MAP3K15: variants seen among roughly 807,000 people sequenced by gnomAD.
MAP3K15 encodes MAPK/ERK kinase kinase 15.
MAP3K15 carries 124 observed loss-of-function variants against 99.5 expected under a neutral mutation model. The ratio of observed to expected loss-of-function variants is 1.25; its 90% confidence interval spans 1.08 to 1.45. MAP3K15 has a LOEUF of 1.45. MAP3K15 is among the 40% of genes most tolerant of loss of function. MAP3K15 has a pLI of 0.00. For synonymous variants in MAP3K15, 494 were observed against 439.6 expected (o/e 1.12, Z -1.55); for missense variants, 1,242 against 1,079.7 (o/e 1.15, Z -2.11).
intron 1 of MAP3K15, among the ~76,000 whole-genome samples, chrX:19,489,489 T>C (rs1170880166): frequency 9.0e-6 from 1 of 111,034 alleles, no homozygotes; most frequent in African/African-American, 3.3e-5. Flanking sequence ...AAGGTTCATG[T>C]GTTGAAACCT....
chrX:19,390,963 G>C (rs2063523816), intron 18 of MAP3K15, among the ~76,000 whole-genome samples: 1 of 111,476 alleles, frequency 9.0e-6, no homozygotes, highest in Non-Finnish European at 1.9e-5. Context: ...TTATTAGTCA[G>C]GTTTAAGCAG....
chrX:19,493,675 C>T (rs926116407), intron 1 of MAP3K15, among the ~76,000 whole-genome samples: 1 of 111,829 alleles, frequency 8.9e-6, no homozygotes, highest in South Asian at 3.7e-4. Context: ...TTGCCATTTA[C>T]AAAACACTTC....
At chrX:19,490,578 T>C (rs956656681) in intron 1 of MAP3K15, among the ~76,000 whole-genome samples, 1 of 109,461 alleles carries the variant, frequency 9.1e-6, no homozygotes, top group Non-Finnish European at 1.9e-5. Context: ...CGAAACCCCA[T>C]CTCTATAAAA....
intron 9 of MAP3K15, among the ~76,000 whole-genome samples, chrX:19,416,704 C>T (rs911950929): frequency 1.6e-4 from 18 of 112,222 alleles, no homozygotes; most frequent in African/African-American, 5.5e-4. Context: ...GAAGCCGTCA[C>T]TGCAGTTGTC....
intron 6 of MAP3K15, among the ~76,000 whole-genome samples, chrX:19,437,277 T>A: frequency 8.9e-6 from 1 of 111,877 alleles, no homozygotes; most frequent in Non-Finnish European, 1.9e-5. Context: ...AGTGATCCTC[T>A]GCGCTGTAAG....
At position 19,360,079 on chromosome X, in the gene MAP3K15, A is replaced by T. The variant is rs369332453; in HGVS notation, c.*670T>A. On this transcript the variant is annotated 3_prime_UTR_variant, in exon 29 of 29. Transcript: ENST00000338883. ...TTCTCTACAAGATACAATATTTATT[A>T]TCAGGCAAGAGGACAGTTCCATTTT... The T allele has an allele frequency of 9.2e-5, 17 of 183,799 alleles. No individual in the cohort carries two copies. The East Asian group carries it at 2.3e-3, about 24-fold the overall frequency. 15.1% of individuals were successfully genotyped at this position (183,799 alleles called of 1,213,427 possible).
intron 6 of MAP3K15, 102 bp from the exon 7 acceptor site, chrX:19,431,710 C>G (rs2063884186): frequency 1.5e-6 from 1 of 675,134 alleles, no homozygotes; most frequent in Admixed American, 3.5e-5. Flanking sequence ...CTTTGGGAGG[C>G]CGAAGCGGGT....
At chrX:19,432,234 T>G (rs962321026) in intron 6 of MAP3K15, among the ~76,000 whole-genome samples, 12 of 110,771 alleles carry the variant, frequency 1.1e-4, no homozygotes, top group African/African-American at 3.9e-4. Context: ...AAATGCAACA[T>G]ACATAGTCTG....
intron 1 of MAP3K15, among the ~76,000 whole-genome samples, chrX:19,503,851 A>C (rs1275321353): frequency 9.1e-6 from 1 of 110,022 alleles, no homozygotes; most frequent in Non-Finnish European, 1.9e-5. Flanking sequence ...ATGGTGGGTC[A>C]CACCTGTAAT....
rs779359029 is a variant in MAP3K15, at chrX:19,464,290, G to A, written c.642C>T (p.Asp214=). ...RASEYMQPNW[D]NILGPLCMPL... ...GCATGCACAGCGGGCCCAGGATGTT[G>A]TCCCAGTTGGGCTGCATGTACTCGG... The change falls in exon 4 of 29, where the codon GAC becomes GAT. Residue 214 remains aspartate (D), a synonymous_variant. Transcript: ENST00000338883. 14 of 1,200,117 alleles carry A rather than the reference G, an allele frequency of 1.2e-5. No individual in the cohort carries two copies. The South Asian group carries it at 1.4e-4, about 12-fold the overall frequency.
Position 19,431,431 on chromosome X carries a change from G to A in MAP3K15, c.1166+7C>T. ...GCAAGTGCTCATAACTCGGGCTGAG[G>A]GTTTACCACTCAATGGCGCTGTCGC... On this transcript the variant is annotated splice_region_variant and intron_variant, in intron 7 of 28. Coordinates refer to ENST00000338883, the MANE Select transcript of MAP3K15 (RefSeq NM_001001671.4). 1 of 1,198,025 alleles carries A rather than the reference G, an allele frequency of 8.3e-7. No individual in the cohort carries two copies.
At chrX:19,445,944 T>C (rs189960230) in intron 6 of MAP3K15, among the ~76,000 whole-genome samples, 1 of 29,575 alleles carries the variant, frequency 3.4e-5, no homozygotes, top group East Asian at 1.9e-3. Context: ...CGAAACTCCA[T>C]CTCAAAAATC....
Position 19,515,179 on chromosome X carries a change from A to C in MAP3K15, c.83T>G (p.Val28Gly). 1 of 829,721 alleles carries C rather than the reference A, an allele frequency of 1.2e-6. No homozygotes were observed. 68.4% of individuals were successfully genotyped at this position (829,721 alleles called of 1,213,427 possible). A position where few individuals can be genotyped will look rare whatever the true frequency, so the allele number is the denominator to read the frequency against. The change falls in exon 1 of 29, where the codon GTG (valine) becomes GGG (glycine). Residue 28 changes from valine (V) to glycine (G), a missense_variant. Physicochemically the swap from Val to Gly is moderately radical, Grantham distance 109. Transcript: ENST00000338883. The stretch of plus-strand genomic sequence containing the variant: ...CTCCGCCGGCCCGGCCGCGCCCTCC[A>C]CCCCCGGCGGCGGCGGGCACTGAGG... ...ESPQCPPPPGVEGAAGPAEPD... is the reference protein window; with the variant it reads ...ESPQCPPPPGGEGAAGPAEPD...
chrX:19,409,203 A>C (rs1287595368), intron 12 of MAP3K15, among the ~76,000 whole-genome samples: 1 of 111,828 alleles, frequency 8.9e-6, no homozygotes, highest in Non-Finnish European at 1.9e-5. Flanking sequence ...TCAGTGGCTG[A>C]GGTAGCCTCA....
At chrX:19,374,398 C>G in intron 20 of MAP3K15, 79 bp downstream of exon 20, 2 of 977,399 alleles carry the variant, frequency 2.0e-6, no homozygotes, top group South Asian at 4.5e-5. Context: ...CAGAACTCTC[C>G]CTCCTGAGCA....
chrX:19,486,061 T>G (rs2064323491), intron 3 of MAP3K15, among the ~76,000 whole-genome samples: 1 of 111,685 alleles, frequency 9.0e-6, no homozygotes, highest in African/African-American at 3.3e-5. Context: ...GGCAAGAAAC[T>G]TTTGCCCCAT....
intron 4 of MAP3K15, among the ~76,000 whole-genome samples, chrX:19,462,996 C>G (rs779284543): frequency 2.7e-5 from 3 of 112,331 alleles, no homozygotes; most frequent in Non-Finnish European, 5.6e-5. Context: ...CCATGTCTTG[C>G]AAAGACCTAA....
In MAP3K15 at chrX:19,374,699, C is replaced by G; in HGVS notation, c.2590-39G>C. On this transcript the variant is annotated intron_variant, in intron 19 of 28. Transcript: ENST00000338883. ...AGAGGTAACCGATGTGTCAGTGAGG[C>G]CTTGGGTGAATTCAGGTATCCATGT... 3 of 1,143,308 alleles carry G rather than the reference C, an allele frequency of 2.6e-6. No homozygotes were observed. In the South Asian group the frequency reaches 5.8e-5, roughly 22 times the overall value. 94.2% of individuals were successfully genotyped at this position (1,143,308 alleles called of 1,213,427 possible).
At chrX:19,503,652 C>T (rs1164555606) in intron 1 of MAP3K15, among the ~76,000 whole-genome samples, 1 of 110,135 alleles carries the variant, frequency 9.1e-6, no homozygotes, top group Non-Finnish European at 1.9e-5. Context: ...GTCTCAAACT[C>T]CTGGCCTCAG....
Sources: gnomAD v4.1 joint callset for allele counts (sites outside exome capture counted in the v4.1 genomes callset) on GRCh38, gnomAD v4.1.1 for gene constraint, MANE v1.5 for transcripts, NCBI Gene and HGNC (gene_info 2026-07-23, HGNC 2026-07-21) for gene names.